STK39: variants seen among roughly 807,000 people sequenced by gnomAD.
STK39 encodes STE20/SPS1-related proline-alanine-rich protein kinase.
STK39 carries 20 observed loss-of-function variants against 77.8 expected under a neutral mutation model. That is an observed-to-expected ratio of 0.26 (90% CI 0.18 to 0.37). The LOEUF (loss-of-function observed/expected upper bound fraction) is 0.37, where lower values mean the gene tolerates loss of function less well. Among genes scored for constraint, STK39 ranks in the 10% least tolerant of loss-of-function variants. The pLI, the probability that STK39 is intolerant of heterozygous loss-of-function variation, is 1.00. For synonymous variants in STK39, 246 were observed against 234.1 expected, an observed-to-expected ratio of 1.05 and a Z score of -0.47; for missense variants, 479 against 656.5, an observed-to-expected ratio of 0.73 and a Z score of 2.95.
chr2:168,091,201 T>TA (rs984759273), intron 10 of STK39, among the ~76,000 whole-genome samples: 3 of 150,776 alleles, frequency 2.0e-5, no homozygotes, highest in Admixed American at 6.6e-5. Flanking sequence ...AGCACAGACT[T>TA]AAACTCTGGT....
At chr2:168,072,986 T>G (rs1042935912) in intron 12 of STK39, among the ~76,000 whole-genome samples, 1 of 152,138 alleles carries the variant, frequency 6.6e-6, no homozygotes, top group Non-Finnish European at 1.5e-5. Context: ...GAAATAAGAG[T>G]TCTATTCATA....
intron 1 of STK39, among the ~76,000 whole-genome samples, chr2:168,211,444 G>C (rs1035075451): frequency 1.3e-5 from 2 of 152,186 alleles, no homozygotes; most frequent in Non-Finnish European, 2.9e-5. Flanking sequence ...TTCTGTTCTA[G>C]AGTTTACCAG....
chr2:168,246,564 A>C, intron 1 of STK39, among the ~76,000 whole-genome samples: 1 of 152,104 alleles, frequency 6.6e-6, no homozygotes, highest in East Asian at 1.9e-4. Flanking sequence ...CAGGCGGCGC[A>C]CCCTGGCACG....
intron 16 of STK39, among the ~76,000 whole-genome samples, chr2:167,983,381 A>T (rs1322883010): frequency 1.4e-5 from 2 of 146,440 alleles, no homozygotes; most frequent in Non-Finnish European, 3.0e-5. Context: ...TGGGAGGCTG[A>T]GGCAGGAGAA....
At chr2:167,992,133 G>A (rs1559047679) in intron 16 of STK39, among the ~76,000 whole-genome samples, 1 of 152,174 alleles carries the variant, frequency 6.6e-6, no homozygotes, top group East Asian at 1.9e-4. Context: ...GGGCCTGGGA[G>A]ATAACATAAC....
intron 17 of STK39, among the ~76,000 whole-genome samples, chr2:167,956,694 A>ACACACC (rs1691782956): frequency 2.4e-5 from 1 of 41,716 alleles, no homozygotes; most frequent in Non-Finnish European, 5.0e-5. Flanking sequence ...ACACACACAC[A>ACACACC]CACTCTCTCT....
intron 10 of STK39, among the ~76,000 whole-genome samples, chr2:168,115,211 T>TC (rs1406011008): frequency 6.6e-6 from 1 of 152,200 alleles, no homozygotes; most frequent in Non-Finnish European, 1.5e-5. Context: ...AAGTAAATGT[T>TC]CATGGATAAC....
At chr2:168,036,252 A>G (rs966608424) in intron 14 of STK39, among the ~76,000 whole-genome samples, 2 of 152,154 alleles carry the variant, frequency 1.3e-5, no homozygotes. Flanking sequence ...GCCATGGTTG[A>G]AAGATGAGAA....
intron 10 of STK39, among the ~76,000 whole-genome samples, chr2:168,113,458 G>A (rs1687173017): frequency 6.6e-6 from 1 of 152,180 alleles, no homozygotes; most frequent in Non-Finnish European, 1.5e-5. Flanking sequence ...GCAACAACTA[G>A]GAAGGGCTGC....
In STK39 at chr2:167,970,436, G is replaced by T. The variant is rs189289586; in HGVS notation, c.1499-5710C>A. The stretch of plus-strand genomic sequence containing the variant: ...CACAATGTCTAGTACACCGTATTTG[G>T]TAAATATCCTCAAGGCCCTCTCCCC... On this transcript the variant is annotated intron_variant, in intron 16 of 17. Coordinates refer to ENST00000355999, the MANE Select transcript of STK39 (RefSeq NM_013233.3). 3.3e-5 allele frequency among the ~76,000 whole-genome samples: 5 copies of T among 152,188 alleles called. No homozygotes were observed. In the East Asian group the frequency reaches 7.7e-4, roughly 24 times the overall value.
At chr2:168,036,405 A>G (rs1559067373) in intron 14 of STK39, among the ~76,000 whole-genome samples, 1 of 152,096 alleles carries the variant, frequency 6.6e-6, no homozygotes, top group Non-Finnish European at 1.5e-5. Context: ...CAGGTGCCAC[A>G]TTACTGACTG....
intron 16 of STK39, among the ~76,000 whole-genome samples, chr2:167,992,358 G>A (rs1465964031): frequency 1.3e-5 from 2 of 151,768 alleles, no homozygotes; most frequent in Admixed American, 6.6e-5. Flanking sequence ...CCATTTGCAG[G>A]CAAGATCAGA....
rs1431876825 is a variant in STK39, at chr2:168,005,206, A to G, written c.1498+7428T>C. On this transcript the variant is annotated intron_variant, in intron 16 of 17. Transcript: ENST00000355999. Reference sequence around the variant, plus strand: ...TTTTCAGTAGAGACAAAGTTTCTCCATGTTGGCCTGGCTGGTCTCAAACTC... The same window carrying G: ...TTTTCAGTAGAGACAAAGTTTCTCCGTGTTGGCCTGGCTGGTCTCAAACTC... Among the ~76,000 whole-genome samples the G allele has an allele frequency of 3.3e-5, 5 of 151,976 alleles. No homozygotes were observed. In the East Asian group the frequency reaches 9.7e-4, roughly 29 times the overall value.
intron 1 of STK39, among the ~76,000 whole-genome samples, chr2:168,243,746 G>A (rs924902239): frequency 7.9e-5 from 12 of 152,088 alleles, no homozygotes; most frequent in African/African-American, 1.4e-4. Context: ...ATTCCATTAC[G>A]GATGGCCAAG....
chr2:167,956,524 A>G (rs1691768050), intron 17 of STK39, among the ~76,000 whole-genome samples: 1 of 150,590 alleles, frequency 6.6e-6, no homozygotes, highest in African/African-American at 2.5e-5. Context: ...AGATCGTGCC[A>G]CTGCACTCCA....
At chr2:168,038,215 C>T (rs1685008918) in intron 14 of STK39, among the ~76,000 whole-genome samples, 1 of 152,120 alleles carries the variant, frequency 6.6e-6, no homozygotes, top group South Asian at 2.1e-4. Context: ...ACATGTATTG[C>T]TTAGGTAGGA....
At chr2:168,075,050 C>A in intron 11 of STK39, 39 bp from the exon 12 acceptor site, 1 of 1,614,036 alleles carries the variant, frequency 6.2e-7, no homozygotes, top group Non-Finnish European at 8.5e-7. Context: ...TATATACACA[C>A]ACACAATCAC....
intron 1 of STK39, among the ~76,000 whole-genome samples, chr2:168,192,927 T>G (rs1468938254): frequency 3.3e-5 from 5 of 152,072 alleles, no homozygotes; most frequent in Non-Finnish European, 7.4e-5. Flanking sequence ...AGCTTCCTAT[T>G]AACTCCCCCT....
intron 10 of STK39, among the ~76,000 whole-genome samples, chr2:168,102,234 G>A (rs1414095361): frequency 6.6e-6 from 1 of 151,846 alleles, no homozygotes; most frequent in Non-Finnish European, 1.5e-5. Flanking sequence ...ATGCCAGACT[G>A]TCTTCCAAAG....
Sources: gnomAD v4.1 joint callset for allele counts (sites outside exome capture counted in the v4.1 genomes callset) on GRCh38, gnomAD v4.1.1 for gene constraint, MANE v1.5 for transcripts, NCBI Gene and HGNC (gene_info 2026-07-23, HGNC 2026-07-21) for gene names.